C8orf58: variants seen among roughly 807,000 people sequenced by gnomAD.
C8orf58 encodes uncharacterized protein C8orf58.
Under a neutral mutation model 36.8 loss-of-function variants are expected in C8orf58, and 31 were observed. That is an observed-to-expected ratio of 0.84 (90% CI 0.63 to 1.14). C8orf58 has a LOEUF of 1.14. C8orf58 is among the 50% of genes most tolerant of loss of function. The pLI is 0.00. For synonymous variants in C8orf58, 230 were observed against 200.2 expected, an observed-to-expected ratio of 1.15 and a Z score of -1.26; for missense variants, 538 against 480.8, an observed-to-expected ratio of 1.12 and a Z score of -1.11.
In C8orf58 at chr8:22,601,961, C is replaced by T. The variant is rs150335262; in HGVS notation, c.658-11C>T. ...AGCCAGGCCCTGATCACCTGTCTCT[C>T]CTGTGCATAGGATCCCGGCGAGGAG... On this transcript the variant is annotated splice_polypyrimidine_tract_variant and intron_variant, in intron 3 of 6. Coordinates refer to ENST00000289989, the MANE Select transcript of C8orf58 (RefSeq NM_001013842.3). The T allele has an allele frequency of 2.4e-4, 371 of 1,550,706 alleles. No individual in the cohort carries two copies. Among genetic ancestry groups the T allele is most frequent in the Non-Finnish European group, 3.0e-4 (344 of 1,145,108 alleles).
At position 22,602,186 on chromosome 8, in the gene C8orf58, C is replaced by A. The variant is rs773634510; in HGVS notation, c.767-14C>A. ...TGTCTTCTGGCCCTGGCCAACCTGA[C>A]TGTCTTTCTGAAGGAGCAAAGGCTG... On this transcript the variant is annotated splice_polypyrimidine_tract_variant and intron_variant, in intron 4 of 6. Transcript: ENST00000289989. 3 of 1,584,482 alleles carry A rather than the reference C, an allele frequency of 1.9e-6. No homozygotes were observed. The highest frequency in any genetic ancestry group is 2.6e-6 in the Non-Finnish European group (3 of 1,165,756).
chr8:22,599,772 ACC>A lies in C8orf58; in HGVS notation c.40+16_40+17del. Reference sequence around the variant, plus strand: ...CGTGGACGGCCGGGGTGAGTCACCCACCCCCAGGCTGGCCGGGCTCCCCCCTG... The same window carrying A: ...CGTGGACGGCCGGGGTGAGTCACCCACCCAGGCTGGCCGGGCTCCCCCCTG... On this transcript the variant is annotated intron_variant, in intron 1 of 6. Transcript: ENST00000289989. 8.3e-7 allele frequency: 1 copy of A among 1,207,428 alleles called. No homozygotes were observed. Among genetic ancestry groups the A allele is most frequent in the Non-Finnish European group, 1.0e-6 (1 of 971,030 alleles). The allele number at this position is 1,207,428 out of a possible 1,614,324, so 74.8% of individuals were successfully genotyped here. A position where few individuals can be genotyped will look rare whatever the true frequency, so the allele number is the denominator to read the frequency against.
intron 1 of C8orf58, 93 bp from the exon 2 acceptor site, chr8:22,600,789 G>A (rs925959465): frequency 1.8e-6 from 2 of 1,105,390 alleles, no homozygotes; most frequent in Admixed American, 2.2e-5. Context: ...CACTGCTCCG[G>A]GACACTTCTC....
rs1800793071 is a variant in C8orf58 at position 22,599,662 on chromosome 8, G to C, written c.-59G>C. 1 of 988,398 alleles carries C rather than the reference G, an allele frequency of 1.0e-6. No individual in the cohort carries two copies. The highest frequency in any genetic ancestry group is 1.3e-6 in the Non-Finnish European group (1 of 774,830). The allele number at this position is 988,398 out of a possible 1,614,324, so 61.2% of individuals were successfully genotyped here. ...CCCTGAGCTGCCCGAGCTCCGCGGG[G>C]ACTCGGGCCGGGATCCTCGGGCGGC... On this transcript the variant is annotated 5_prime_UTR_variant, in exon 1 of 7. Transcript: ENST00000289989.
In C8orf58 at chr8:22,602,566, G is replaced by A; in HGVS notation, c.909G>A (p.Lys303=). The change falls in exon 6 of 7, where the codon AAG becomes AAA. Residue 303 remains lysine (K), a synonymous_variant. Coordinates refer to ENST00000289989, the MANE Select transcript of C8orf58 (RefSeq NM_001013842.3). ...KRDISHWDKV[K]VLLNRICRRS... is the part of the protein sequence containing the mutation. ...ATATCTCCCACTGGGACAAGGTCAAGGTCCTGCTCAACCGGATCTGCCGGA... is the reference window on the plus strand; with the variant it reads ...ATATCTCCCACTGGGACAAGGTCAAAGTCCTGCTCAACCGGATCTGCCGGA... 1.3e-6 allele frequency: 2 copies of A among 1,598,478 alleles called. No individual in the cohort carries two copies. Among genetic ancestry groups the A allele is most frequent in the Non-Finnish European group, 1.7e-6 (2 of 1,169,876 alleles).
At chr8:22,601,508 C>T (rs867691856) in intron 2 of C8orf58, 151 bp downstream of exon 2, 14 of 920,128 alleles carry the variant, frequency 1.5e-5, no homozygotes, top group South Asian at 1.8e-5. Flanking sequence ...TCCATTTGTG[C>T]ACGGCCACCT....
In C8orf58 at chr8:22,601,263, CAAGCAAGCCTG is replaced by C; in HGVS notation, c.424_434del (p.Ser142AlafsTer2). On this transcript the variant is annotated frameshift_variant, in exon 2 of 7. Coordinates refer to ENST00000289989, the MANE Select transcript of C8orf58 (RefSeq NM_001013842.3). LOFTEE classifies it high-confidence loss of function. Reference sequence around the variant, plus strand: ...GGACAACACCGCTCCCTGCGGCTGGCAAGCAAGCCTGAGCGTGAAGTGCCCCTTGGAGCAGG... The same window carrying C: ...GGACAACACCGCTCCCTGCGGCTGGCAGCGTGAAGTGCCCCTTGGAGCAGG... 6.2e-7 allele frequency: 1 copy of C among 1,609,876 alleles called. No homozygotes were observed. Among genetic ancestry groups the C allele is most frequent in the African/African-American group, 1.3e-5 (1 of 75,022 alleles).
intron 5 of C8orf58, 40 bp from the exon 6 acceptor site, chr8:22,602,497 T>C (rs1392022657): frequency 1.3e-6 from 2 of 1,546,182 alleles, no homozygotes; most frequent in African/African-American, 2.7e-5. Flanking sequence ...GGGGTCTGAG[T>C]GTGGGGAGGG....
chr8:22,600,835 G>T, intron 1 of C8orf58, 47 bp from the exon 2 acceptor site: 1 of 1,466,682 alleles, frequency 6.8e-7, no homozygotes, highest in East Asian at 2.4e-5. Context: ...GGAATGCTGG[G>T]GGTGTTGGGG....
In C8orf58 at chr8:22,602,687, T is replaced by C. The variant is rs1033499008; in HGVS notation, c.986+44T>C. On this transcript the variant is annotated intron_variant, in intron 6 of 6. Coordinates refer to ENST00000289989, the MANE Select transcript of C8orf58 (RefSeq NM_001013842.3). Reference sequence around the variant, plus strand: ...CCAGGTTAGGGCACGGAGAGGAGACTGATAAGCCAGGATGCTGAGATTGTC... The same window carrying C: ...CCAGGTTAGGGCACGGAGAGGAGACCGATAAGCCAGGATGCTGAGATTGTC... 4 of 1,267,858 alleles carry C rather than the reference T, an allele frequency of 3.2e-6. No homozygotes were observed. In the African/African-American group the frequency reaches 4.5e-5, roughly 14 times the overall value. The allele number at this position is 1,267,858 out of a possible 1,614,324, so 78.5% of individuals were successfully genotyped here.
Position 22,603,180 on chromosome 8 carries a change from C to A in C8orf58, c.987-15C>A, listed in dbSNP as rs748760049. 5.7e-6 allele frequency: 9 copies of A among 1,585,246 alleles called. No homozygotes were observed. The East Asian group carries it at 2.0e-4, about 35-fold the overall frequency. On this transcript the variant is annotated splice_polypyrimidine_tract_variant and intron_variant, in intron 6 of 6. Coordinates refer to ENST00000289989, the MANE Select transcript of C8orf58 (RefSeq NM_001013842.3). Reference sequence around the variant, plus strand: ...TTTCCCCCTTCTAGCCTAATGTCTTCTTTTCATTCCACAGGATCGAGTCCA... The same window carrying A: ...TTTCCCCCTTCTAGCCTAATGTCTTATTTTCATTCCACAGGATCGAGTCCA...
At chr8:22,602,927 C>T (rs777926214) in intron 6 of C8orf58, 7 of 588,322 alleles carry the variant, frequency 1.2e-5, no homozygotes, top group African/African-American at 1.9e-5. Flanking sequence ...CAACCCCTCA[C>T]CCTCAATGCT....
Position 22,602,573 on chromosome 8 carries a change from C to T in C8orf58, c.916C>T (p.Leu306Phe). ...ISHWDKVKVL[L>F]NRICRRSHHH... is the part of the protein sequence containing the mutation. ...CCACTGGGACAAGGTCAAGGTCCTGCTCAACCGGATCTGCCGGAGAAGCCA... is the reference window on the plus strand; with the variant it reads ...CCACTGGGACAAGGTCAAGGTCCTGTTCAACCGGATCTGCCGGAGAAGCCA... Residue 306 changes from leucine (L) to phenylalanine (F), a missense_variant, in exon 6 of 7, where the codon CTC (leucine) becomes TTC (phenylalanine). Leu to Phe is a conservative substitution (Grantham distance 22). Transcript: ENST00000289989. 1 of 1,592,060 alleles carries T rather than the reference C, an allele frequency of 6.3e-7. No individual in the cohort carries two copies. Among genetic ancestry groups the T allele is most frequent in the Non-Finnish European group, 8.6e-7 (1 of 1,166,284 alleles).
chr8:22,602,415 C>A, intron 5 of C8orf58, 103 bp downstream of exon 5: 2 of 1,315,064 alleles, frequency 1.5e-6, no homozygotes, highest in Non-Finnish European at 2.1e-6. Flanking sequence ...GGGGAAATGA[C>A]AGGATTGATT....
At chr8:22,602,166 T>C in intron 4 of C8orf58, 34 bp from the exon 5 acceptor site, 1 of 1,567,360 alleles carries the variant, frequency 6.4e-7, no homozygotes, top group Non-Finnish European at 8.7e-7. Flanking sequence ...TGGGGTGTCT[T>C]CTGGCCCTGG....
At position 22,600,968 on chromosome 8, in the gene C8orf58, T is replaced by C; in HGVS notation, c.127T>C (p.Cys43Arg). ...YRRIPDAAHG[C>R]SSWERGDKFR... ...ACGGATCCCCGACGCTGCCCACGGG[T>C]GCTCATCCTGGGAGAGAGGTGACAA... The change falls in exon 2 of 7, where the codon TGC (cysteine) becomes CGC (arginine). Residue 43 changes from cysteine to arginine, a missense_variant. Transcript: ENST00000289989. The C allele has an allele frequency of 6.2e-7, 1 of 1,612,620 alleles. No homozygotes were observed. Among genetic ancestry groups the C allele is most frequent in the Non-Finnish European group, 8.5e-7 (1 of 1,179,984 alleles).
intron 1 of C8orf58, 103 bp downstream of exon 1, chr8:22,599,863 C>A: frequency 1.9e-6 from 1 of 536,792 alleles, no homozygotes; most frequent in Non-Finnish European, 2.8e-6. Flanking sequence ...CAGCCCCGCG[C>A]ACCCCGCGGG....
rs775522005 is a variant in C8orf58 at position 22,603,562 on chromosome 8, A to G, written c.*256A>G. ...AAATCCCTGGGCTTCCACAATGTGAACTCACTCATTGTCAGGTGTCCGTGG... is the reference window on the plus strand; with the variant it reads ...AAATCCCTGGGCTTCCACAATGTGAGCTCACTCATTGTCAGGTGTCCGTGG... On this transcript the variant is annotated 3_prime_UTR_variant, in exon 7 of 7. Coordinates refer to ENST00000289989, the MANE Select transcript of C8orf58 (RefSeq NM_001013842.3). 5.9e-5 allele frequency: 32 copies of G among 542,150 alleles called. No homozygotes were observed. The highest frequency in any genetic ancestry group is 5.0e-4 in the Middle Eastern group (1 of 1,998). The allele number at this position is 542,150 out of a possible 1,614,324, so 33.6% of individuals were successfully genotyped here. A position where few individuals can be genotyped will look rare whatever the true frequency, so the allele number is the denominator to read the frequency against.
At position 22,602,645 on chromosome 8, in the gene C8orf58, T is replaced by C; in HGVS notation, c.986+2T>C. The stretch of plus-strand genomic sequence containing the variant: ...CCCTCCTGATGGCTCTGACCCCAGG[T>C]GAGCCCCGTGCCCAGCCCAGGTTAG... On this transcript the variant is annotated splice_donor_variant, in intron 6 of 6. Transcript: ENST00000289989. LOFTEE classifies it high-confidence loss of function. 6.6e-7 allele frequency: 1 copy of C among 1,526,340 alleles called. No individual in the cohort carries two copies. Among genetic ancestry groups the C allele is most frequent in the Non-Finnish European group, 8.8e-7 (1 of 1,130,404 alleles). 94.5% of individuals were successfully genotyped at this position (1,526,340 alleles called of 1,614,324 possible).
Sources: allele counts gnomAD v4.1 joint callset, GRCh38; gene constraint gnomAD v4.1.1; transcripts MANE v1.5; gene names NCBI Gene and HGNC (gene_info 2026-07-23, HGNC 2026-07-21).